Variants in ZNF804B observed in about 807,000 individuals in gnomAD.
ZNF804B encodes zinc finger 804B.
ZNF804B carries 80 observed loss-of-function variants against 101.4 expected under a neutral mutation model. The observed-to-expected ratio is 0.79, with a 90% CI of 0.66 to 0.95. The LOEUF (loss-of-function observed/expected upper bound fraction) is 0.95. Ranked by LOEUF, ZNF804B falls within the 40% of genes least tolerant of loss-of-function variation. The pLI, the probability that ZNF804B is intolerant of heterozygous loss-of-function variation, is 0.00. For synonymous variants in ZNF804B, 622 were observed against 558.8 expected (o/e 1.11, Z -1.59); for missense variants, 1,673 against 1,561.9 (o/e 1.07, Z -1.20).
At chr7:89,198,281 T>G (rs771269631) in intron 1 of ZNF804B, among the ~76,000 whole-genome samples, 11 of 151,936 alleles carry the variant, frequency 7.2e-5, no homozygotes, top group Non-Finnish European at 1.5e-4. Context: ...GGTGTGAATC[T>G]AGACATTCTT....
intron 1 of ZNF804B, among the ~76,000 whole-genome samples, 161 bp from the exon 2 acceptor site, chr7:89,217,994 G>A (rs892996591): frequency 1.3e-5 from 2 of 152,116 alleles, no homozygotes; most frequent in Non-Finnish European, 2.9e-5. Flanking sequence ...ATAAGTTAGG[G>A]ATGATGCAAA....
chr7:89,003,758 C>G (rs1350509611), intron 1 of ZNF804B, among the ~76,000 whole-genome samples: 1 of 151,826 alleles, frequency 6.6e-6, no homozygotes, highest in African/African-American at 2.4e-5. Context: ...CTACTTCTGA[C>G]CCACAGATTA....
At chr7:88,877,223 T>C (rs1236567665) in intron 1 of ZNF804B, among the ~76,000 whole-genome samples, 1 of 149,294 alleles carries the variant, frequency 6.7e-6, no homozygotes, top group Non-Finnish European at 1.5e-5. Flanking sequence ...CTAGGGAAAA[T>C]AGAATTTTAA....
chr7:88,919,917 G>A (rs1792694985), intron 1 of ZNF804B, among the ~76,000 whole-genome samples: 2 of 152,050 alleles, frequency 1.3e-5, no homozygotes, highest in African/African-American at 4.8e-5. Flanking sequence ...GAAGCCACCA[G>A]AGGTGAAGGT....
intron 1 of ZNF804B, among the ~76,000 whole-genome samples, chr7:89,104,421 TGGTTTGTTCAG>T (rs1270649937): frequency 1.3e-5 from 2 of 152,052 alleles, no homozygotes; most frequent in Non-Finnish European, 2.9e-5. Context: ...TCTTCATTAT[TGGTTTGTTCAG>T]GGTTTCTATT....
intron 1 of ZNF804B, among the ~76,000 whole-genome samples, chr7:88,945,687 G>A (rs1341770090): frequency 6.6e-6 from 1 of 152,078 alleles, no homozygotes; most frequent in African/African-American, 2.4e-5. Flanking sequence ...GGGCCATATG[G>A]CCATTTTCAT....
chr7:89,079,762 C>T (rs980314123), intron 1 of ZNF804B, among the ~76,000 whole-genome samples: 30 of 151,888 alleles, frequency 2.0e-4, no homozygotes, highest in Non-Finnish European at 5.9e-5. Context: ...GTGACTTTTG[C>T]GTAAACATGA....
At chr7:88,982,996 G>T (rs1793713986) in intron 1 of ZNF804B, among the ~76,000 whole-genome samples, 1 of 152,016 alleles carries the variant, frequency 6.6e-6, no homozygotes, top group Admixed American at 6.6e-5. Context: ...GTCTTGCTAT[G>T]GGAGAGGAAA....
chr7:88,988,222 C>T lies in ZNF804B; in HGVS notation c.108+228138C>T, dbSNP rs146813321. ...ATTTTACCACCAAGAAAAATAAAAA[C>T]GAAAAGGAGCTGTCTATATCATGAA... On this transcript the variant is annotated intron_variant, in intron 1 of 3. Coordinates refer to ENST00000333190, the MANE Select transcript of ZNF804B (RefSeq NM_181646.5). Among the ~76,000 whole-genome samples the T allele has an allele frequency of 6.2e-3, 946 of 151,392 alleles. 7 individuals carry two copies. Among genetic ancestry groups the T allele is most frequent in the Non-Finnish European group, 7.8e-3 (531 of 67,770 alleles).
chr7:88,829,559 A>T (rs1791100859), intron 1 of ZNF804B, among the ~76,000 whole-genome samples: 1 of 152,102 alleles, frequency 6.6e-6, no homozygotes, highest in Non-Finnish European at 1.5e-5. Context: ...TAAAAATTTT[A>T]AAATAATTTT....
intron 1 of ZNF804B, among the ~76,000 whole-genome samples, chr7:89,136,863 T>C (rs1790645206): frequency 6.6e-6 from 1 of 151,856 alleles, no homozygotes; most frequent in African/African-American, 2.4e-5. Context: ...AATTGAATAA[T>C]TGGGGGAGGT....
At chr7:88,863,220 C>A (rs1049636102) in intron 1 of ZNF804B, among the ~76,000 whole-genome samples, 2 of 152,228 alleles carry the variant, frequency 1.3e-5, no homozygotes, top group East Asian at 3.9e-4. Context: ...TGCTCTGATA[C>A]CCCTGCCCCC....
At chr7:88,893,014 C>A (rs1792235229) in intron 1 of ZNF804B, among the ~76,000 whole-genome samples, 1 of 151,920 alleles carries the variant, frequency 6.6e-6, no homozygotes, top group Non-Finnish European at 1.5e-5. Context: ...GAGTGTGTTG[C>A]CTTTTGTGGG....
chr7:88,891,596 A>G (rs925048650), intron 1 of ZNF804B, among the ~76,000 whole-genome samples: 1 of 150,474 alleles, frequency 6.6e-6, no homozygotes, highest in Non-Finnish European at 1.5e-5. Flanking sequence ...TTTTTACATT[A>G]TATTTGTCCT....
chr7:88,825,163 AGAT>A (rs1791034946), intron 1 of ZNF804B, among the ~76,000 whole-genome samples: 1 of 152,100 alleles, frequency 6.6e-6, no homozygotes, highest in Non-Finnish European at 1.5e-5. Context: ...ATCCTGTGAG[AGAT>A]GATAATAGTG....
chr7:88,936,353 A>G (rs911256085), intron 1 of ZNF804B, among the ~76,000 whole-genome samples: 1 of 152,066 alleles, frequency 6.6e-6, no homozygotes, highest in East Asian at 1.9e-4. Flanking sequence ...CACCCTGCCA[A>G]ATTAAACTGA....
chr7:89,250,241 A>G (rs1789518019), intron 2 of ZNF804B, among the ~76,000 whole-genome samples: 1 of 152,070 alleles, frequency 6.6e-6, no homozygotes. Context: ...ACAATCGGAA[A>G]TGACAAACGT....
rs1788969594 is a variant in ZNF804B at position 89,220,030 on chromosome 7, T to TGC, written c.249+1735_249+1736insGC. On this transcript the variant is annotated intron_variant, in intron 2 of 3. Coordinates refer to ENST00000333190, the MANE Select transcript of ZNF804B (RefSeq NM_181646.5). Reference sequence around the variant, plus strand: ...ACATATATGTGTGTATACATATATATACGCACATATATGTGCATATATACA... The same window carrying TGC: ...ACATATATGTGTGTATACATATATATGCACGCACATATATGTGCATATATACA... Among the ~76,000 whole-genome samples the TGC allele has an allele frequency of 9.4e-5, 13 of 138,514 alleles. 3 individuals are homozygous for TGC. Among genetic ancestry groups the TGC allele is most frequent in the Admixed American group, 2.9e-4 (4 of 13,886 alleles). 90.9% of individuals were successfully genotyped at this position (138,514 alleles called of 152,430 possible).
intron 1 of ZNF804B, among the ~76,000 whole-genome samples, chr7:89,084,308 T>G (rs1789740578): frequency 6.6e-6 from 1 of 151,860 alleles, no homozygotes; most frequent in African/African-American, 2.4e-5. Context: ...TGATTGAATT[T>G]CAAGAGAAAG....
Sources: allele counts gnomAD v4.1 joint callset (sites outside exome capture counted in the v4.1 genomes callset), GRCh38; gene constraint gnomAD v4.1.1; transcripts MANE v1.5; gene names NCBI Gene and HGNC (gene_info 2026-07-23, HGNC 2026-07-21).